The following FGF12 variants were observed in gnomAD, a reference collection of about 807,000 sequenced individuals.
FGF12 encodes the protein fibroblast growth factor 12B.
FGF12 carries 14 observed loss-of-function variants against 23.6 expected under a neutral mutation model. That is an observed-to-expected ratio of 0.59 (90% confidence interval 0.39 to 0.93). The LOEUF (loss-of-function observed/expected upper bound fraction) is 0.93, where lower values mean the gene tolerates loss of function less well. FGF12 is among the 40% of genes least tolerant of loss of function. The probability of loss-of-function intolerance (pLI) is 0.00; values close to 1 mark genes in which losing one functional copy is unlikely to be tolerated. For synonymous variants in FGF12, 62 were observed against 77.3 expected, an observed-to-expected ratio of 0.80 and a Z score of 1.04; for missense variants, 175 against 217.8, an observed-to-expected ratio of 0.80 and a Z score of 1.24.
At chr3:192,168,122 G>A (rs971811525) in intron 5 of FGF12, among the ~76,000 whole-genome samples, 7 of 151,616 alleles carry the variant, frequency 4.6e-5, no homozygotes, top group South Asian at 4.2e-4. Context: ...GGCATTATCC[G>A]TAAAGGGAAT....
chr3:192,566,738 T>G (rs933622224), intron 2 of FGF12, among the ~76,000 whole-genome samples: 1 of 152,142 alleles, frequency 6.6e-6, no homozygotes, highest in Non-Finnish European at 1.5e-5. Context: ...ACTGAACAAT[T>G]TCACAGTTGT....
intron 2 of FGF12, among the ~76,000 whole-genome samples, chr3:192,458,135 C>G (rs1014477509): frequency 6.6e-6 from 1 of 152,150 alleles, no homozygotes; most frequent in Non-Finnish European, 1.5e-5. Context: ...GCCTGGATGC[C>G]CAGGCGAAAG....
chr3:192,433,074 C>T (rs752491449), intron 2 of FGF12, among the ~76,000 whole-genome samples: 3 of 152,056 alleles, frequency 2.0e-5, no homozygotes, highest in African/African-American at 7.2e-5. Flanking sequence ...CTCGCTCCAA[C>T]GCACACATAT....
At chr3:192,671,436 C>T (rs967437870) in intron 2 of FGF12, among the ~76,000 whole-genome samples, 3 of 152,234 alleles carry the variant, frequency 2.0e-5, no homozygotes, top group Non-Finnish European at 4.4e-5. Flanking sequence ...GGGCTTTCAG[C>T]GGAAATTCCA....
At chr3:192,266,889 G>GA (rs1340523604) in intron 4 of FGF12, 9 of 151,614 alleles carry the variant, frequency 5.9e-5, no homozygotes, top group East Asian at 1.9e-4. Flanking sequence ...GAAACTCAGG[G>GA]AAAAAATCTA....
At chr3:192,215,790 C>T (rs1467299879) in intron 4 of FGF12, among the ~76,000 whole-genome samples, 1 of 152,108 alleles carries the variant, frequency 6.6e-6, no homozygotes, top group Admixed American at 6.6e-5. Flanking sequence ...AAAACAAAGC[C>T]ATTTCTTTGA....
chr3:192,658,347 A>T (rs1716524949), intron 2 of FGF12, among the ~76,000 whole-genome samples: 1 of 152,162 alleles, frequency 6.6e-6, no homozygotes, highest in African/African-American at 2.4e-5. Context: ...TCTGTAGCTC[A>T]TCACTTGCCT....
intron 2 of FGF12, among the ~76,000 whole-genome samples, chr3:192,522,931 TGTC>T (rs1371377591): frequency 1.3e-5 from 2 of 152,216 alleles, no homozygotes; most frequent in African/African-American, 4.8e-5. Flanking sequence ...TGGCATCAGT[TGTC>T]GTCTGAGGGA....
At chr3:192,345,102 A>G (rs1169206354) in intron 3 of FGF12, among the ~76,000 whole-genome samples, 1 of 152,234 alleles carries the variant, frequency 6.6e-6, no homozygotes, top group African/African-American at 2.4e-5. Context: ...GCCAAAATCA[A>G]TACTATGGCC....
intron 2 of FGF12, among the ~76,000 whole-genome samples, chr3:192,448,411 ATG>A (rs924802460): frequency 6.6e-6 from 1 of 152,230 alleles, no homozygotes; most frequent in African/African-American, 2.4e-5. Context: ...CTAGTGTCAA[ATG>A]TGTGAGTTAT....
chr3:192,406,596 C>T (rs1720967310), intron 2 of FGF12, among the ~76,000 whole-genome samples: 1 of 152,116 alleles, frequency 6.6e-6, no homozygotes, highest in African/African-American at 2.4e-5. Flanking sequence ...ACTAATTGGA[C>T]ATAAAATAAT....
chr3:192,323,931 A>C (rs1210264143), intron 4 of FGF12, among the ~76,000 whole-genome samples: 2 of 151,930 alleles, frequency 1.3e-5, no homozygotes, highest in Non-Finnish European at 2.9e-5. Context: ...TCTCTACTAA[A>C]ATACAAAAAA....
intron 2 of FGF12, among the ~76,000 whole-genome samples, chr3:192,555,989 C>T (rs543608484): frequency 8.7e-4 from 132 of 151,028 alleles, no homozygotes; most frequent in Non-Finnish European, 1.7e-3. Context: ...TTGGTAAACA[C>T]AATAAAAGGT....
intron 2 of FGF12, among the ~76,000 whole-genome samples, chr3:192,457,709 A>G (rs1722722126): frequency 6.6e-6 from 1 of 152,230 alleles, no homozygotes. Context: ...CTGACGATGC[A>G]ATAGAAAATA....
chr3:192,335,562 A>G (rs930448837), intron 3 of FGF12, 98 bp from the exon 4 acceptor site: 11 of 756,992 alleles, frequency 1.5e-5, no homozygotes, highest in Non-Finnish European at 2.5e-5. Flanking sequence ...CTATTAATTG[A>G]ACTTGGTAGA....
chr3:192,604,456 G>A (rs574874995), intron 2 of FGF12, among the ~76,000 whole-genome samples: 10 of 152,238 alleles, frequency 6.6e-5, no homozygotes, highest in East Asian at 1.9e-4. Flanking sequence ...CGGTCCCTCC[G>A]TTCAGGGTCC....
intron 2 of FGF12, among the ~76,000 whole-genome samples, chr3:192,726,519 T>C (rs1214177145): frequency 6.6e-6 from 1 of 152,200 alleles, no homozygotes; most frequent in Admixed American, 6.5e-5. Flanking sequence ...TTGGCATGCA[T>C]ACATTATGCA....
At chr3:192,351,182 G>C (rs1212821545) in intron 3 of FGF12, among the ~76,000 whole-genome samples, 1 of 152,080 alleles carries the variant, frequency 6.6e-6, no homozygotes, top group Non-Finnish European at 1.5e-5. Context: ...TCATCTTGTA[G>C]GCTTGCAAAA....
At chr3:192,379,230 A>G (rs1031649778) in intron 2 of FGF12, among the ~76,000 whole-genome samples, 6 of 152,178 alleles carry the variant, frequency 3.9e-5, no homozygotes, top group African/African-American at 1.4e-4. Flanking sequence ...TCCATAATTC[A>G]TACCTACATT....
Sources: allele counts gnomAD v4.1 joint callset (sites outside exome capture counted in the v4.1 genomes callset), GRCh38; gene constraint gnomAD v4.1.1; transcripts MANE v1.5; gene names NCBI Gene and HGNC (gene_info 2026-07-23, HGNC 2026-07-21).